WDR64: variants seen among roughly 807,000 people sequenced by gnomAD.
WDR64 encodes WD repeat-containing protein 64.
A neutral mutation model predicts 139.3 loss-of-function variants in WDR64; 112 were observed. The observed-to-expected ratio is 0.80, with a 90% confidence interval of 0.69 to 0.94. The LOEUF (loss-of-function observed/expected upper bound fraction) is 0.94, where lower values mean the gene tolerates loss of function less well. WDR64 is among the 40% of genes least tolerant of loss of function. The probability of loss-of-function intolerance (pLI) is 0.00; values close to 1 mark genes in which losing one functional copy is unlikely to be tolerated. For missense variants in WDR64, 1,206 were observed against 1,293.1 expected (o/e 0.93, Z 1.03); for synonymous variants, 444 against 437.7 (o/e 1.01, Z -0.18).
At chr1:241,713,618 C>T (rs1422262393) in intron 9 of WDR64, among the ~76,000 whole-genome samples, 2 of 152,090 alleles carry the variant, frequency 1.3e-5, no homozygotes, top group Non-Finnish European at 2.9e-5. Flanking sequence ...ATGCTTGGTG[C>T]ATAATAGGTT....
chr1:241,721,993 T>G (rs1367616053), intron 9 of WDR64, among the ~76,000 whole-genome samples: 2 of 151,170 alleles, frequency 1.3e-5, no homozygotes, highest in African/African-American at 2.4e-5. Flanking sequence ...GGATATGGTT[T>G]TGGTGAAAAT....
chr1:241,653,543 CTTT>C (rs33934176), intron 1 of WDR64, among the ~76,000 whole-genome samples: 2 of 137,126 alleles, frequency 1.5e-5, no homozygotes, highest in Admixed American at 7.4e-5. Flanking sequence ...CTTTTCTTTT[CTTT>C]TTTTTTTTTT....
intron 8 of WDR64, among the ~76,000 whole-genome samples, chr1:241,700,529 G>A (rs1667671823): frequency 6.6e-6 from 1 of 152,198 alleles, no homozygotes; most frequent in African/African-American, 2.4e-5. Flanking sequence ...ACAGGTGACT[G>A]TCAGGCTTCT....
intron 1 of WDR64, among the ~76,000 whole-genome samples, chr1:241,654,719 G>T (rs1299548697): frequency 6.6e-6 from 1 of 152,150 alleles, no homozygotes; most frequent in Non-Finnish European, 1.5e-5. Flanking sequence ...AATCTAAAAT[G>T]CTCCAAAATT....
At chr1:241,792,556 A>AAT (rs1659241747) in intron 25 of WDR64, among the ~76,000 whole-genome samples, 1 of 151,980 alleles carries the variant, frequency 6.6e-6, no homozygotes, top group Non-Finnish European at 1.5e-5. Context: ...TAAATAAATA[A>AAT]AAATAAAATA....
At chr1:241,749,897 C>CA (rs1669916983) in intron 14 of WDR64, among the ~76,000 whole-genome samples, 175 bp downstream of exon 14, 1 of 152,086 alleles carries the variant, frequency 6.6e-6, no homozygotes, top group African/African-American at 2.4e-5. Context: ...AGGCAAAGAG[C>CA]AAAAAACAAT....
chr1:241,765,549 G>T (rs1015226564), intron 15 of WDR64, among the ~76,000 whole-genome samples: 1 of 152,204 alleles, frequency 6.6e-6, no homozygotes, highest in Non-Finnish European at 1.5e-5. Flanking sequence ...GTTTCAGGAA[G>T]GGGAGAGCAA....
intron 22 of WDR64, among the ~76,000 whole-genome samples, chr1:241,782,146 G>A (rs1286424578): frequency 6.6e-6 from 1 of 152,176 alleles, no homozygotes; most frequent in Non-Finnish European, 1.5e-5. Context: ...AAATTAGCTG[G>A]GCGTGGCGGC....
intron 15 of WDR64, among the ~76,000 whole-genome samples, chr1:241,761,121 A>G (rs1420668324): frequency 6.6e-6 from 1 of 152,194 alleles, no homozygotes; most frequent in African/African-American, 2.4e-5. Flanking sequence ...AGCAGTGTAT[A>G]TTATAGTCAA....
At chr1:241,727,705 A>C (rs1668899949) in intron 10 of WDR64, among the ~76,000 whole-genome samples, 1 of 152,166 alleles carries the variant, frequency 6.6e-6, no homozygotes, top group East Asian at 1.9e-4. Flanking sequence ...AAGCAAAGTA[A>C]CAAGTACATA....
chr1:241,683,182 T>G (rs1433689547), intron 6 of WDR64, among the ~76,000 whole-genome samples: 1 of 152,162 alleles, frequency 6.6e-6, no homozygotes, highest in Non-Finnish European at 1.5e-5. Context: ...TACTTTAATG[T>G]TTTCTTATAA....
intron 20 of WDR64, among the ~76,000 whole-genome samples, 184 bp downstream of exon 20, chr1:241,773,115 T>C (rs1658523919): frequency 6.6e-6 from 1 of 152,240 alleles, no homozygotes; most frequent in Non-Finnish European, 1.5e-5. Flanking sequence ...GAGAAGGGTT[T>C]TGTAATTCAA....
intron 13 of WDR64, among the ~76,000 whole-genome samples, chr1:241,748,724 G>C (rs950163997): frequency 1.6e-4 from 24 of 152,094 alleles, no homozygotes; most frequent in Non-Finnish European, 2.5e-4. Flanking sequence ...CAGATCATGA[G>C]GTCAGGAGAT....
intron 10 of WDR64, among the ~76,000 whole-genome samples, chr1:241,728,475 T>A (rs61377559): frequency 0.039 from 5,881 of 152,262 alleles, 395 homozygotes; most frequent in African/African-American, 0.14. Context: ...TTCATCACAT[T>A]AAGCAGAAAG....
chr1:241,751,666 T>A (rs1447047276), intron 14 of WDR64, among the ~76,000 whole-genome samples: 4 of 152,166 alleles, frequency 2.6e-5, no homozygotes, highest in Admixed American at 6.5e-5. Context: ...ATGCTTCTGT[T>A]CTTGGTTTTA....
At chr1:241,758,063 T>C (rs9787170) in intron 15 of WDR64, among the ~76,000 whole-genome samples, 10,047 of 152,146 alleles carry the variant, frequency 0.066, 353 homozygotes, top group South Asian at 0.14. Flanking sequence ...CTGTTAAATA[T>C]CTTTTTTTTC....
chr1:241,750,168 C>T (rs755426435), intron 14 of WDR64, among the ~76,000 whole-genome samples: 7 of 152,124 alleles, frequency 4.6e-5, no homozygotes, highest in East Asian at 3.9e-4. Flanking sequence ...AGGTTAATGA[C>T]GCAATCTGCT....
chr1:241,788,267 C>A, intron 24 of WDR64, among the ~76,000 whole-genome samples: 1 of 152,066 alleles, frequency 6.6e-6, no homozygotes, highest in East Asian at 1.9e-4. Flanking sequence ...CCAAAGAAGA[C>A]CAAAGGTGCA....
intron 1 of WDR64, among the ~76,000 whole-genome samples, chr1:241,658,417 G>A (rs56354254): frequency 0.038 from 5,741 of 151,792 alleles, 177 homozygotes; most frequent in South Asian, 0.11. Context: ...TGGGAGGATC[G>A]CTTGAAGCTA....
Sources: gnomAD v4.1 joint callset for allele counts (sites outside exome capture counted in the v4.1 genomes callset) on GRCh38, gnomAD v4.1.1 for gene constraint, MANE v1.5 for transcripts, NCBI Gene and HGNC (gene_info 2026-07-23, HGNC 2026-07-21) for gene names.